The following ZNF521 variants were observed in gnomAD, a reference collection of about 807,000 sequenced individuals.
ZNF521 encodes the protein LYST-interacting protein 3.
In ZNF521, 14 loss-of-function variants were observed where a neutral mutation model predicts 105.5. The ratio of observed to expected loss-of-function variants is 0.13; its 90% CI spans 0.09 to 0.21. The LOEUF (loss-of-function observed/expected upper bound fraction) is 0.21. Among genes scored for constraint, ZNF521 ranks in the 10% least tolerant of loss-of-function variants. ZNF521 has a pLI of 1.00. For missense variants in ZNF521, 1,233 were observed against 1,629.7 expected, an observed-to-expected ratio of 0.76 and a Z score of 4.19; for synonymous variants, 635 against 606.0, an observed-to-expected ratio of 1.05 and a Z score of -0.70.
chr18:25,258,770 G>A (rs1908694459), intron 3 of ZNF521, among the ~76,000 whole-genome samples: 1 of 152,102 alleles, frequency 6.6e-6, no homozygotes, highest in Non-Finnish European at 1.5e-5. Context: ...GAGACACGTG[G>A]CCTCTCTATT....
intron 1 of ZNF521, chr18:25,351,169 G>GGCGGCT: frequency 6.7e-6 from 1 of 149,840 alleles, no homozygotes; most frequent in African/African-American, 2.5e-5. Flanking sequence ...CGGCGGCGGC[G>GGCGGCT]GCGGCTGCTG....
At chr18:25,109,257 C>G (rs1463155744) in intron 5 of ZNF521, among the ~76,000 whole-genome samples, 1 of 152,178 alleles carries the variant, frequency 6.6e-6, no homozygotes, top group African/African-American at 2.4e-5. Flanking sequence ...GTCTCCAGCT[C>G]TATCCATGTT....
chr18:25,350,919 T>G lies in ZNF521; in HGVS notation c.28A>C (p.Arg10=), dbSNP rs1183576855. Residue 10 remains arginine, a synonymous_variant, in exon 2 of 8, where the codon AGA becomes CGA. Coordinates refer to ENST00000361524, the MANE Select transcript of ZNF521 (RefSeq NM_015461.3). The part of the protein sequence containing the change: MSRRKQAKP[R]SLKDPNCKLE... Reference sequence around the variant, plus strand: ...GGTTCCTCCTTACCTTTGAGGGATCTCGGTTTCGCTTGCTTGCGGCGAGAC... The same window carrying G: ...GGTTCCTCCTTACCTTTGAGGGATCGCGGTTTCGCTTGCTTGCGGCGAGAC... The G allele has an allele frequency of 1.9e-6, 3 of 1,551,152 alleles. No individual in the cohort carries two copies. Among genetic ancestry groups the G allele is most frequent in the Non-Finnish European group, 2.6e-6 (3 of 1,146,600 alleles).
intron 4 of ZNF521, 89 bp from the exon 5 acceptor site, chr18:25,195,333 CTTA>C: frequency 1.9e-6 from 2 of 1,061,440 alleles, no homozygotes; most frequent in Non-Finnish European, 2.7e-6. Context: ...AGATGCTGAT[CTTA>C]CCTATGTTGC....
At chr18:25,195,480 A>G (rs2035887016) in intron 4 of ZNF521, among the ~76,000 whole-genome samples, 2 of 151,774 alleles carry the variant, frequency 1.3e-5, no homozygotes, top group South Asian at 2.1e-4. Context: ...TAATTATGGC[A>G]TAATATATTT....
In ZNF521 at chr18:25,244,309, C is replaced by CAT. The variant is rs200831696; in HGVS notation, c.221-16613_221-16612insAT. ...ACACACACACACACACACACACACA[C>CAT]ACACTCTCACCCTTTATACCACCCC... On this transcript the variant is annotated intron_variant, in intron 3 of 7. Transcript: ENST00000361524. 4.8e-3 allele frequency among the ~76,000 whole-genome samples: 725 copies of CAT among 151,622 alleles called. 6 individuals carry two copies. The highest frequency in any genetic ancestry group is 0.014 in the Middle Eastern group (4 of 292).
At chr18:25,246,666 A>G (rs975059454) in intron 3 of ZNF521, among the ~76,000 whole-genome samples, 1 of 152,164 alleles carries the variant, frequency 6.6e-6, no homozygotes, top group African/African-American at 2.4e-5. Context: ...TGAATTTTCC[A>G]GTCTTATCTG....
intron 3 of ZNF521, among the ~76,000 whole-genome samples, chr18:25,292,858 C>T (rs1911114184): frequency 6.6e-6 from 1 of 152,054 alleles, no homozygotes; most frequent in Non-Finnish European, 1.5e-5. Flanking sequence ...AGGGGAAGTC[C>T]AAGATAAATA....
chr18:25,101,796 A>G (rs1259788887), intron 5 of ZNF521, among the ~76,000 whole-genome samples: 2 of 152,160 alleles, frequency 1.3e-5, no homozygotes, highest in Non-Finnish European at 2.9e-5. Flanking sequence ...CTGGATGTGA[A>G]CTCAACAACA....
intron 7 of ZNF521, among the ~76,000 whole-genome samples, chr18:25,088,428 C>T (rs2033673713): frequency 6.6e-6 from 1 of 151,740 alleles, no homozygotes; most frequent in South Asian, 2.1e-4. Context: ...ACCGTGTTAG[C>T]CAGGATGGTA....
intron 3 of ZNF521, among the ~76,000 whole-genome samples, chr18:25,308,193 CAAAAAAAAAAAAAA>C (rs756580169): frequency 3.2e-5 from 1 of 31,100 alleles, no homozygotes; most frequent in Admixed American, 4.5e-4. Context: ...GACTGCATCT[CAAAAAAAAAAAAAA>C]AAAAAAAAAA....
At chr18:25,283,686 C>T (rs538720714) in intron 3 of ZNF521, among the ~76,000 whole-genome samples, 2 of 152,154 alleles carry the variant, frequency 1.3e-5, no homozygotes, top group Non-Finnish European at 2.9e-5. Flanking sequence ...TGCTGGAAAT[C>T]GTAAATTTGG....
chr18:25,197,116 T>C (rs2035915408), intron 4 of ZNF521, among the ~76,000 whole-genome samples: 1 of 151,826 alleles, frequency 6.6e-6, no homozygotes, highest in African/African-American at 2.4e-5. Context: ...AACTGACACA[T>C]GTAAGTTTTC....
chr18:25,347,878 T>G (rs2145228713), intron 2 of ZNF521, among the ~76,000 whole-genome samples: 1 of 152,328 alleles, frequency 6.6e-6, no homozygotes, highest in South Asian at 2.1e-4. Context: ...CAGCAATATC[T>G]TTTACATCTT....
intron 3 of ZNF521, among the ~76,000 whole-genome samples, chr18:25,248,841 C>G (rs1200056246): frequency 6.6e-6 from 1 of 152,218 alleles, no homozygotes; most frequent in East Asian, 1.9e-4. Context: ...AAATGCTAAA[C>G]TAATCTATTT....
At chr18:25,249,435 G>A (rs958201437) in intron 3 of ZNF521, among the ~76,000 whole-genome samples, 2 of 150,720 alleles carry the variant, frequency 1.3e-5, no homozygotes, top group African/African-American at 2.4e-5. Flanking sequence ...GGGATTACAG[G>A]CTTGAGCCAC....
chr18:25,290,449 T>C (rs1910946079), intron 3 of ZNF521, among the ~76,000 whole-genome samples: 1 of 152,150 alleles, frequency 6.6e-6, no homozygotes, highest in Admixed American at 6.6e-5. Context: ...TTCTGTGCTC[T>C]TATTCCTGGG....
intron 5 of ZNF521, among the ~76,000 whole-genome samples, chr18:25,126,438 TTC>T (rs1016544653): frequency 6.6e-6 from 1 of 152,158 alleles, no homozygotes; most frequent in Non-Finnish European, 1.5e-5. Flanking sequence ...AATAACAACA[TTC>T]TGTTTTTCTA....
chr18:25,240,842 A>G (rs1907271963), intron 3 of ZNF521, among the ~76,000 whole-genome samples: 1 of 151,954 alleles, frequency 6.6e-6, no homozygotes, highest in Non-Finnish European at 1.5e-5. Context: ...AGATTCCACA[A>G]AACAAATCTC....
Sources: allele counts gnomAD v4.1 joint callset (sites outside exome capture counted in the v4.1 genomes callset), GRCh38; gene constraint gnomAD v4.1.1; transcripts MANE v1.5; gene names NCBI Gene and HGNC (gene_info 2026-07-23, HGNC 2026-07-21).